The following ROR2 variants were observed in gnomAD, a reference collection of about 807,000 sequenced individuals.
ROR2 encodes ROR family WNT receptor 2.
ROR2 carries 33 observed loss-of-function variants against 74.9 expected under a neutral mutation model. That is an observed-to-expected ratio of 0.44 (90% CI 0.33 to 0.59). The LOEUF (loss-of-function observed/expected upper bound fraction) is 0.59, where lower values mean the gene tolerates loss of function less well. Ranked by LOEUF, ROR2 falls within the 20% of genes least tolerant of loss-of-function variation. The probability of loss-of-function intolerance (pLI) is 0.02; values close to 1 mark genes in which losing one functional copy is unlikely to be tolerated. For synonymous variants in ROR2, 586 were observed against 558.7 expected (o/e 1.05, Z -0.69); for missense variants, 1,216 against 1,313.8 (o/e 0.93, Z 1.15).
chr9:91,920,870 C>T (rs904327558), intron 1 of ROR2, among the ~76,000 whole-genome samples: 5 of 152,204 alleles, frequency 3.3e-5, no homozygotes, highest in Admixed American at 6.5e-5. Flanking sequence ...CACTCAGGCA[C>T]GGACCAAGGG....
rs1002619136 is a variant in ROR2, at chr9:91,733,958, G to A, written c.623-522C>T. Among the ~76,000 whole-genome samples the A allele has an allele frequency of 3.3e-5, 5 of 152,180 alleles. No individual in the cohort carries two copies. The East Asian group carries it at 7.7e-4, about 23-fold the overall frequency. Reference sequence around the variant, plus strand: ...CTGGAGGAGACAGTTGGTAAAATGCGGAAAGCCAAGAGGGTGAGAGCAGCA... The same window carrying A: ...CTGGAGGAGACAGTTGGTAAAATGCAGAAAGCCAAGAGGGTGAGAGCAGCA... On this transcript the variant is annotated intron_variant, in intron 5 of 8. Transcript: ENST00000375708. The surrounding 1 kb of genome is among the most constrained non-coding windows in gnomAD (Gnocchi z 5.7).
At chr9:91,798,639 GCGAGC>G in intron 1 of ROR2, among the ~76,000 whole-genome samples, 16 of 105,970 alleles carry the variant, frequency 1.5e-4, no homozygotes, top group African/African-American at 9.3e-4. Flanking sequence ...GGCTCTGTGG[GCGAGC>G]TGACACCCTG....
At chr9:91,945,161 T>G (rs567458299) in intron 1 of ROR2, among the ~76,000 whole-genome samples, 3 of 152,340 alleles carry the variant, frequency 2.0e-5, no homozygotes, top group Admixed American at 6.5e-5. Flanking sequence ...GTGACATTTT[T>G]GCATAGCAAT....
At chr9:91,922,061 T>C (rs932953662) in intron 1 of ROR2, among the ~76,000 whole-genome samples, 7 of 151,570 alleles carry the variant, frequency 4.6e-5, no homozygotes, top group Admixed American at 1.3e-4. Flanking sequence ...CCACAGCCAT[T>C]AGGACTAGGA....
Position 91,802,430 on chromosome 9 carries a change from G to A in ROR2, c.98-26612C>T, listed in dbSNP as rs181269539. The stretch of plus-strand genomic sequence containing the variant: ...TTTGTATCACCCAGCAGAACTTGGA[G>A]GCATTTGGGTTTGAGACCCCTGCCC... On this transcript the variant is annotated intron_variant, in intron 1 of 8. Transcript: ENST00000375708. 1.8e-3 allele frequency among the ~76,000 whole-genome samples: 272 copies of A among 152,208 alleles called. 1 individual carries two copies. In the Middle Eastern group the frequency reaches 0.034, roughly 19 times the overall value.
chr9:91,948,700 TC>T (rs1451230281), intron 1 of ROR2: 1 of 985,396 alleles, frequency 1.0e-6, no homozygotes, highest in Admixed American at 6.1e-5. Context: ...CCTGCGACTG[TC>T]CCGATTCTCA....
chr9:91,724,970 C>A lies in ROR2; in HGVS notation c.1524G>T (p.Thr508=), dbSNP rs114395148. The change falls in exon 9 of 9, where the codon ACG becomes ACT. Residue 508 remains threonine, a synonymous_variant. Transcript: ENST00000375708. The part of the protein sequence containing the change: ...GEQTQAVAIK[T]LKDKAEGPLR... ...GGGGCCCCTCCGCTTTGTCCTTCAG[C>A]GTTTTGATGGCCACAGCCTGGGTCT... 3.7e-6 allele frequency: 6 copies of A among 1,613,634 alleles called. No homozygotes were observed. Among genetic ancestry groups the A allele is most frequent in the African/African-American group, 1.3e-5 (1 of 74,940 alleles).
Position 91,723,704 on chromosome 9 carries a change from G to A in ROR2, c.2790C>T (p.Asp930=), listed in dbSNP as rs1836878523. The stretch of plus-strand genomic sequence containing the variant: ...CTTGGGCCTCGTCCACCTGCAGAGT[G>A]TCACAGTCCCCCAGCAGCTCAGTCT... ...VPETELLGDC[D]TLQVDEAQVQ... Residue 930 remains aspartate, a synonymous_variant, in exon 9 of 9, where the codon GAC becomes GAT. Coordinates refer to ENST00000375708, the MANE Select transcript of ROR2 (RefSeq NM_004560.4). 1 of 1,613,886 alleles carries A rather than the reference G, an allele frequency of 6.2e-7. No individual in the cohort carries two copies. The highest frequency in any genetic ancestry group is 1.7e-5 in the Admixed American group (1 of 60,002).
intron 1 of ROR2, among the ~76,000 whole-genome samples, chr9:91,826,827 T>G (rs59004196): frequency 0.13 from 20,042 of 151,964 alleles, 3,024 homozygotes; most frequent in African/African-American, 0.37. Flanking sequence ...AATGTGATCT[T>G]TTGTAAATGT....
chr9:91,730,586 G>C (rs1473608406), intron 7 of ROR2, among the ~76,000 whole-genome samples: 3 of 152,158 alleles, frequency 2.0e-5, no homozygotes, highest in Admixed American at 2.0e-4. Flanking sequence ...TCAGTCTCTT[G>C]AGTAGCTGGG....
intron 3 of ROR2, 60 bp from the exon 4 acceptor site, chr9:91,756,161 C>T (rs1825743958): frequency 1.3e-6 from 2 of 1,565,670 alleles, no homozygotes; most frequent in Non-Finnish European, 1.8e-6. Flanking sequence ...ATACAACCTT[C>T]TTCAAATCAG....
intron 1 of ROR2, among the ~76,000 whole-genome samples, chr9:91,890,362 CTTCAT>C (rs1830394791): frequency 6.6e-6 from 1 of 152,250 alleles, no homozygotes. Context: ...AAAGCTTTTT[CTTCAT>C]TTCTTTTTCT....
intron 1 of ROR2, among the ~76,000 whole-genome samples, chr9:91,876,392 G>C (rs998981715): frequency 2.0e-5 from 3 of 151,298 alleles, no homozygotes; most frequent in African/African-American, 7.3e-5. Context: ...TGAAATGAAA[G>C]TGAAGGCCTC....
intron 4 of ROR2, among the ~76,000 whole-genome samples, chr9:91,745,156 G>T (rs1011450179): frequency 6.6e-6 from 1 of 151,326 alleles, no homozygotes; most frequent in Non-Finnish European, 1.5e-5. Context: ...ACGAAGTCTC[G>T]CTCTTTTTGC....
chr9:91,860,164 C>T (rs1450553512), intron 1 of ROR2, among the ~76,000 whole-genome samples: 1 of 152,168 alleles, frequency 6.6e-6, no homozygotes, highest in South Asian at 2.1e-4. Context: ...CCAGGTTAGA[C>T]CTTCGCCATC....
At chr9:91,903,752 T>G (rs910576602) in intron 1 of ROR2, among the ~76,000 whole-genome samples, 6 of 152,082 alleles carry the variant, frequency 3.9e-5, no homozygotes, top group African/African-American at 1.2e-4. Flanking sequence ...ACAAACGCAA[T>G]TGGCTTGAGA....
rs2118612912 is a variant in ROR2 at position 91,724,227 on chromosome 9, T to C, written c.2267A>G (p.Asn756Ser). 2.5e-6 allele frequency: 4 copies of C among 1,613,558 alleles called. No homozygotes were observed. Among genetic ancestry groups the C allele is most frequent in the Non-Finnish European group, 3.4e-6 (4 of 1,180,004 alleles). The part of the protein sequence containing the change: ...LRAWGNLSNY[N>S]SSAQTSGASN... ...GGCCCCCGAGGTCTGCGCCGAGCTG[T>C]TGTAGTTGGAAAGGTTGCCCCAGGC... The change falls in exon 9 of 9, where the codon AAC (asparagine) becomes AGC (serine). Residue 756 changes from asparagine (N) to serine (S), a missense_variant. Transcript: ENST00000375708.
Position 91,839,249 on chromosome 9 carries a change from GGGGT to G in ROR2, c.98-63435_98-63432del, listed in dbSNP as rs1346836004. On this transcript the variant is annotated intron_variant, in intron 1 of 8. Transcript: ENST00000375708. ...CCTGATTCCTGGTGCTGTCAGATCG[GGGGT>G]GTGTGTGTGTGTGTGTGTGTGTGTG... 6.3e-3 allele frequency among the ~76,000 whole-genome samples: 836 copies of G among 132,658 alleles called. 17 individuals carry two copies. The highest frequency in any genetic ancestry group is 0.023 in the African/African-American group (695 of 29,610). The allele number at this position is 132,658 out of a possible 152,430, so 87.0% of individuals were successfully genotyped here.
intron 1 of ROR2, among the ~76,000 whole-genome samples, chr9:91,840,966 G>C (rs368341196): frequency 6.6e-6 from 1 of 152,202 alleles, no homozygotes; most frequent in Non-Finnish European, 1.5e-5. Context: ...GGCATGATTT[G>C]CAAGACTGTG....
Sources: gnomAD v4.1 joint callset for allele counts (sites outside exome capture counted in the v4.1 genomes callset) on GRCh38, gnomAD v4.1.1 for gene constraint, Gnocchi (gnomAD v3.1) non-coding constraint, MANE v1.5 for transcripts, NCBI Gene and HGNC (gene_info 2026-07-23, HGNC 2026-07-21) for gene names.